The following TOMM40L variants were observed in gnomAD, a reference collection of about 807,000 sequenced individuals.
The protein encoded by TOMM40L is mitochondrial import receptor subunit TOM40B.
TOMM40L carries 17 observed loss-of-function variants against 38.3 expected under a neutral mutation model. The ratio of observed to expected loss-of-function variants is 0.44; its 90% CI spans 0.30 to 0.67. The LOEUF is 0.67. Ranked by LOEUF, TOMM40L falls within the 30% of genes least tolerant of loss-of-function variation. TOMM40L has a pLI of 0.08. For synonymous variants in TOMM40L, 151 were observed against 150.2 expected, an observed-to-expected ratio of 1.01 and a Z score of -0.04; for missense variants, 294 against 390.0, an observed-to-expected ratio of 0.75 and a Z score of 2.07.
rs927862863 is a variant in TOMM40L at position 161,229,618 on chromosome 1, T to G, written c.*523T>G. Reference sequence around the variant, plus strand: ...CTTCTGTGCTTCCAGAGAACAACTTTGTTCCTATGGTCACCCCCACTATCC... The same window carrying G: ...CTTCTGTGCTTCCAGAGAACAACTTGGTTCCTATGGTCACCCCCACTATCC... On this transcript the variant is annotated 3_prime_UTR_variant, in exon 10 of 10. Transcript: ENST00000367988. 6 of 1,607,042 alleles carry G rather than the reference T, an allele frequency of 3.7e-6. No homozygotes were observed. In the African/African-American group the frequency reaches 6.7e-5, roughly 18 times the overall value.
At position 161,228,471 on chromosome 1, in the gene TOMM40L, C is replaced by G; in HGVS notation, c.651C>G (p.Ala217=). 4 of 1,614,020 alleles carry G rather than the reference C, an allele frequency of 2.5e-6. No individual in the cohort carries two copies. Among genetic ancestry groups the G allele is most frequent in the Non-Finnish European group, 3.4e-6 (4 of 1,180,002 alleles). The change falls in exon 8 of 10, where the codon GCC becomes GCG. Residue 217 remains alanine, a synonymous_variant. Transcript: ENST00000367988. ...CATTGAATGTGGGATCAGGCGGGGCCCATGCAAGTTACTACCACAGGGCAA... is the reference window on the plus strand; with the variant it reads ...CATTGAATGTGGGATCAGGCGGGGCGCATGCAAGTTACTACCACAGGGCAA... ...VATLNVGSGG[A]HASYYHRANE...
rs751294269 is a variant in TOMM40L, at chr1:161,229,109, C to T, written c.*14C>T. The T allele has an allele frequency of 1.9e-6, 3 of 1,614,034 alleles. No homozygotes were observed. The highest frequency in any genetic ancestry group is 1.7e-6 in the Non-Finnish European group (2 of 1,180,016). On this transcript the variant is annotated 3_prime_UTR_variant, in exon 10 of 10. Transcript: ENST00000367988. Reference sequence around the variant, plus strand: ...ACTGTGGGCTGAGGTTGTCCAGAGCCAGCCCCCACAGCAGCTGGAACCTCT... The same window carrying T: ...ACTGTGGGCTGAGGTTGTCCAGAGCTAGCCCCCACAGCAGCTGGAACCTCT...
chr1:161,226,660 T>C, intron 2 of TOMM40L, 56 bp downstream of exon 2: 1 of 1,546,764 alleles, frequency 6.5e-7, no homozygotes, highest in Non-Finnish European at 8.9e-7. Context: ...GTGGAGGGTC[T>C]TGAATGCCGG....
At position 161,226,467 on chromosome 1, in the gene TOMM40L, T is replaced by C. The variant is rs1352276765; in HGVS notation, c.-23T>C. ...CGTCCTTTCACAGGCTAACCTCGGCTCTTCCCAGTCCTCTGGACTAAAATG... is the reference window on the plus strand; with the variant it reads ...CGTCCTTTCACAGGCTAACCTCGGCCCTTCCCAGTCCTCTGGACTAAAATG... On this transcript the variant is annotated 5_prime_UTR_variant, in exon 2 of 10. Coordinates refer to ENST00000367988, the MANE Select transcript of TOMM40L (RefSeq NM_032174.6). 2.5e-6 allele frequency: 4 copies of C among 1,603,522 alleles called. No homozygotes were observed. The highest frequency in any genetic ancestry group is 3.4e-6 in the Non-Finnish European group (4 of 1,172,960).
Position 161,228,489 on chromosome 1 carries a change from C to T in TOMM40L, c.669C>T (p.His223=), listed in dbSNP as rs1666539368. The T allele has an allele frequency of 6.2e-7, 1 of 1,614,158 alleles. No homozygotes were observed. The highest frequency in any genetic ancestry group is 8.5e-7 in the Non-Finnish European group (1 of 1,180,022). ...GCGGGGCCCATGCAAGTTACTACCACAGGGCAAATGAACAGGTGAGACCTC... is the reference window on the plus strand; with the variant it reads ...GCGGGGCCCATGCAAGTTACTACCATAGGGCAAATGAACAGGTGAGACCTC... ...GSGGAHASYY[H]RANEQVQVGV... is the part of the protein sequence containing the mutation. Residue 223 remains histidine, a synonymous_variant, in exon 8 of 10, where the codon CAC becomes CAT. Transcript: ENST00000367988.
Position 161,228,268 on chromosome 1 carries a change from C to T in TOMM40L, c.567C>T (p.Gly189=). 6.2e-7 allele frequency: 1 copy of T among 1,606,686 alleles called. No individual in the cohort carries two copies. Among genetic ancestry groups the T allele is most frequent in the South Asian group, 1.1e-5 (1 of 90,046 alleles). Residue 189 remains glycine, a synonymous_variant, in exon 7 of 10, where the codon GGC becomes GGT. Transcript: ENST00000367988. ...AGCTAGTTTATCACCGGCGGCCAGGCGAAGAGGGGGCCATCTTGACACTGG... is the reference window on the plus strand; with the variant it reads ...AGCTAGTTTATCACCGGCGGCCAGGTGAAGAGGGGGCCATCTTGACACTGG... ...GGELVYHRRP[G]EEGAILTLAG...
At position 161,229,094 on chromosome 1, in the gene TOMM40L, G is replaced by T; in HGVS notation, c.926G>T (p.Ter309LeuextTer33). 6.2e-7 allele frequency: 1 copy of T among 1,614,174 alleles called. No homozygotes were observed. The highest frequency in any genetic ancestry group is 8.5e-7 in the Non-Finnish European group (1 of 1,180,014). ...FHCGFSITVG[*>L] ...TGTGGCTTCAGCATCACTGTGGGCT[G>T]AGGTTGTCCAGAGCCAGCCCCCACA... The change falls in exon 10 of 10, where the codon TGA (stop) becomes TTA (leucine). Residue 309 changes from the stop codon to leucine (L), a stop_lost. Transcript: ENST00000367988.
chr1:161,228,339 TG>T, intron 7 of TOMM40L, 31 bp downstream of exon 7: 1 of 1,607,654 alleles, frequency 6.2e-7, no homozygotes, highest in Non-Finnish European at 8.5e-7. Flanking sequence ...GTGGTGGTGG[TG>T]GGGGGCAATT....
intron 5 of TOMM40L, 53 bp downstream of exon 5, chr1:161,227,790 C>A (rs1438406502): frequency 6.2e-7 from 1 of 1,603,504 alleles, no homozygotes; most frequent in East Asian, 2.2e-5. Flanking sequence ...TTCTCCTCCA[C>A]GGGTTTCCTG....
Position 161,229,615 on chromosome 1 carries a change from C to T in TOMM40L, c.*520C>T. On this transcript the variant is annotated 3_prime_UTR_variant, in exon 10 of 10. Transcript: ENST00000367988. ...CATCTTCTGTGCTTCCAGAGAACAA[C>T]TTTGTTCCTATGGTCACCCCCACTA... The T allele has an allele frequency of 7.5e-6, 12 of 1,605,474 alleles. 1 individual carries two copies. The South Asian group carries it at 1.3e-4, about 18-fold the overall frequency.
intron 8 of TOMM40L, 92 bp from the exon 9 acceptor site, chr1:161,228,623 C>A (rs116664724): frequency 0.012 from 18,281 of 1,555,228 alleles, 163 homozygotes; most frequent in Non-Finnish European, 0.014. Flanking sequence ...TATATATTTA[C>A]ATGCATGCCT....
Position 161,227,880 on chromosome 1 carries a change from C to T in TOMM40L, c.379-4C>T, listed in dbSNP as rs371465762. The stretch of plus-strand genomic sequence containing the variant: ...AGATTTTACTTCTTGCTCTTGCCAC[C>T]CAGACGCAGCAGGCCAAGTTCCTGA... On this transcript the variant is annotated splice_polypyrimidine_tract_variant and splice_region_variant and intron_variant, in intron 5 of 9. Coordinates refer to ENST00000367988, the MANE Select transcript of TOMM40L (RefSeq NM_032174.6). 2 of 1,613,932 alleles carry T rather than the reference C, an allele frequency of 1.2e-6. No individual in the cohort carries two copies. The highest frequency in any genetic ancestry group is 1.3e-5 in the African/African-American group (1 of 74,888).
Position 161,229,824 on chromosome 1 carries a change from C to G in TOMM40L, c.*729C>G. On this transcript the variant is annotated 3_prime_UTR_variant, in exon 10 of 10. Transcript: ENST00000367988. ...AGCTGCAGATCTCCTGGAGCAGCGG[C>G]ATCATGGCAGACAGGCCCTGGATGT... is the stretch of plus-strand genomic sequence containing the variant. The G allele has an allele frequency of 6.2e-7, 1 of 1,614,242 alleles. No individual in the cohort carries two copies. The highest frequency in any genetic ancestry group is 1.3e-5 in the African/African-American group (1 of 75,064).
rs751884586 is a variant in TOMM40L, at chr1:161,228,172, C to G, written c.485-14C>G. ...TCTCTATGACTGACTCCATGTCTCC[C>G]CATTCCCCCACAGTGATCATGGTTG... On this transcript the variant is annotated splice_polypyrimidine_tract_variant and intron_variant, in intron 6 of 9. Coordinates refer to ENST00000367988, the MANE Select transcript of TOMM40L (RefSeq NM_032174.6). 2 of 1,573,302 alleles carry G rather than the reference C, an allele frequency of 1.3e-6. No homozygotes were observed. The highest frequency in any genetic ancestry group is 2.2e-5 in the East Asian group (1 of 44,528).
At position 161,226,350 on chromosome 1, in the gene TOMM40L, TC is replaced by T; in HGVS notation, c.-135-3del. The T allele has an allele frequency of 1.4e-6, 1 of 692,130 alleles. No individual in the cohort carries two copies. Among genetic ancestry groups the T allele is most frequent in the East Asian group, 2.8e-5 (1 of 36,348 alleles). 42.9% of individuals were successfully genotyped at this position (692,130 alleles called of 1,614,324 possible). On this transcript the variant is annotated splice_region_variant and splice_polypyrimidine_tract_variant and intron_variant, in intron 1 of 9. Coordinates refer to ENST00000367988, the MANE Select transcript of TOMM40L (RefSeq NM_032174.6). ...TGCTCTCCTTCCCTACTCTTCCTGT[TC>T]CAGGTGTAGCGTCGGACCATGTGGA... is the stretch of plus-strand genomic sequence containing the variant.
In TOMM40L at chr1:161,227,885, C is replaced by T. The variant is rs967717366; in HGVS notation, c.380C>T (p.Thr127Met). The change falls in exon 6 of 10, where the codon ACG becomes ATG. Residue 127 changes from threonine to methionine, a missense_variant and splice_region_variant. Thr to Met is a moderately conservative substitution (Grantham distance 81). Coordinates refer to ENST00000367988, the MANE Select transcript of TOMM40L (RefSeq NM_032174.6). The part of the protein sequence containing the change: ...ERLRAKAVFQ[T>M]QQAKFLTWQF... The stretch of plus-strand genomic sequence containing the variant: ...TTACTTCTTGCTCTTGCCACCCAGA[C>T]GCAGCAGGCCAAGTTCCTGACATGG... 23 of 1,613,972 alleles carry T rather than the reference C, an allele frequency of 1.4e-5. No homozygotes were observed. Among genetic ancestry groups the T allele is most frequent in the Non-Finnish European group, 1.7e-5 (20 of 1,179,986 alleles).
intron 5 of TOMM40L, 72 bp from the exon 6 acceptor site, chr1:161,227,812 T>G: frequency 6.2e-7 from 1 of 1,602,610 alleles, no homozygotes; most frequent in Non-Finnish European, 8.5e-7. Flanking sequence ...TCTGAGGGCT[T>G]GGAAGGAGGA....
rs1666467155 is a variant in TOMM40L, at chr1:161,227,911, CAGTTTGATGGCG to C, written c.410_421del (p.Phe137_Glu140del). The C allele has an allele frequency of 1.2e-6, 2 of 1,614,182 alleles. No homozygotes were observed. Among genetic ancestry groups the C allele is most frequent in the Non-Finnish European group, 1.7e-6 (2 of 1,180,026 alleles). ...GCAGCAGGCCAAGTTCCTGACATGG[CAGTTTGATGGCG>C]AGTATCGGGGAGATGACTACACAGC... On this transcript the variant is annotated inframe_deletion, in exon 6 of 10. Coordinates refer to ENST00000367988, the MANE Select transcript of TOMM40L (RefSeq NM_032174.6).
In TOMM40L at chr1:161,229,654, A is replaced by G. The variant is rs958967385; in HGVS notation, c.*559A>G. The G allele has an allele frequency of 5.0e-6, 8 of 1,613,426 alleles. No individual in the cohort carries two copies. The highest frequency in any genetic ancestry group is 2.7e-5 in the African/African-American group (2 of 74,914). On this transcript the variant is annotated 3_prime_UTR_variant, in exon 10 of 10. Coordinates refer to ENST00000367988, the MANE Select transcript of TOMM40L (RefSeq NM_032174.6). ...TCACCCCCACTATCCCCATGACCGC[A>G]TGAAGAGGCAGTTATTGCTTTAGTC...
Sources: allele counts gnomAD v4.1 joint callset, GRCh38; gene constraint gnomAD v4.1.1; transcripts MANE v1.5; gene names NCBI Gene and HGNC (gene_info 2026-07-23, HGNC 2026-07-21).